The following IPO11 variants were observed in gnomAD, a reference collection of about 807,000 sequenced individuals.
IPO11 encodes importin-11.
In IPO11, 66 loss-of-function variants were observed where a neutral mutation model predicts 143.2. The ratio of observed to expected loss-of-function variants is 0.46; its 90% CI spans 0.38 to 0.57. IPO11 has a LOEUF of 0.57. IPO11 is among the 20% of genes least tolerant of loss of function. IPO11 has a pLI of 0.00. For missense variants in IPO11, 1,026 were observed against 1,141.0 expected (o/e 0.90, Z 1.45); for synonymous variants, 385 against 377.8 (o/e 1.02, Z -0.22).
rs1438755446 is a variant in IPO11, at chr5:62,412,830, GGCGTGGGGTCTGGCA to G, written c.-97_-83del. 1 of 152,734 alleles carries G rather than the reference GGCGTGGGGTCTGGCA, an allele frequency of 6.5e-6. No individual in the cohort carries two copies. The highest frequency in any genetic ancestry group is 2.4e-5 in the African/African-American group (1 of 41,468). The allele number at this position is 152,734 out of a possible 1,614,324, so 9.5% of individuals were successfully genotyped here. A position where few individuals can be genotyped will look rare whatever the true frequency, so the allele number is the denominator to read the frequency against. On this transcript the variant is annotated 5_prime_UTR_variant, in exon 1 of 30. Transcript: ENST00000325324. ...GCCGCTTTCGGCATCAGTAGGCGGC[GGCGTGGGGTCTGGCA>G]GCGTGGGGAGAGGGACCAACCGACG...
At chr5:62,474,946 C>T (rs1429519270) in intron 8 of IPO11, among the ~76,000 whole-genome samples, 3 of 152,136 alleles carry the variant, frequency 2.0e-5, no homozygotes, top group Non-Finnish European at 4.4e-5. Context: ...AGATTTATCT[C>T]CATACTCAGA....
At chr5:62,602,656 G>A (rs1264859811) in intron 29 of IPO11, among the ~76,000 whole-genome samples, 15 of 152,180 alleles carry the variant, frequency 9.9e-5, no homozygotes, top group East Asian at 1.9e-4. Flanking sequence ...ATTACAGCAC[G>A]TTAGCTCTCA....
chr5:62,425,362 G>C (rs1309587304), intron 1 of IPO11, among the ~76,000 whole-genome samples: 1 of 152,160 alleles, frequency 6.6e-6, no homozygotes. Flanking sequence ...TTGTTGCCCA[G>C]GCTGAAGTAC....
intron 5 of IPO11, among the ~76,000 whole-genome samples, chr5:62,460,417 C>G (rs1745314319): frequency 6.6e-6 from 1 of 152,136 alleles, no homozygotes; most frequent in Admixed American, 6.6e-5. Context: ...TGATTAGGTT[C>G]AGGCTAAGCA....
At chr5:62,526,514 G>T in intron 21 of IPO11, 1 of 271,558 alleles carries the variant, frequency 3.7e-6, no homozygotes, top group Non-Finnish European at 7.0e-6. Flanking sequence ...GTAATATGGG[G>T]TCATGGTAAC....
chr5:62,516,965 G>A (rs566738686), intron 20 of IPO11, among the ~76,000 whole-genome samples: 3 of 151,740 alleles, frequency 2.0e-5, no homozygotes, highest in Non-Finnish European at 2.9e-5. Context: ...TTGGGAGGCC[G>A]AGGCGGGTGG....
At chr5:62,557,211 T>G (rs548855341) in intron 26 of IPO11, among the ~76,000 whole-genome samples, 3 of 152,158 alleles carry the variant, frequency 2.0e-5, no homozygotes, top group Admixed American at 1.3e-4. Flanking sequence ...GAGACGGAGT[T>G]TCAATCTTGT....
At chr5:62,423,580 A>G (rs896066655) in intron 1 of IPO11, among the ~76,000 whole-genome samples, 8 of 152,164 alleles carry the variant, frequency 5.3e-5, no homozygotes, top group African/African-American at 1.9e-4. Context: ...GGCCATTTTA[A>G]AAAGCATACA....
At chr5:62,570,155 C>G (rs1744088174) in intron 27 of IPO11, among the ~76,000 whole-genome samples, 1 of 152,112 alleles carries the variant, frequency 6.6e-6, no homozygotes, top group Non-Finnish European at 1.5e-5. Flanking sequence ...GATGCTCACT[C>G]CTTTCATCTG....
rs1745485369 is a variant in IPO11 at position 62,600,934 on chromosome 5, G to A, written c.2679-830G>A. 2.0e-5 allele frequency among the ~76,000 whole-genome samples: 3 copies of A among 152,150 alleles called. No individual in the cohort carries two copies. In the South Asian group the frequency reaches 6.2e-4, roughly 32 times the overall value. On this transcript the variant is annotated intron_variant, in intron 28 of 29. Coordinates refer to ENST00000325324, the MANE Select transcript of IPO11 (RefSeq NM_016338.5). The stretch of plus-strand genomic sequence containing the variant: ...AGCCTGATCAAGTTTTCTGGTATCC[G>A]CACCTGTGTTAGTTCTGTATTAAAA...
intron 27 of IPO11, among the ~76,000 whole-genome samples, chr5:62,567,931 C>G (rs562254038): frequency 1.3e-5 from 2 of 150,876 alleles, no homozygotes; most frequent in Non-Finnish European, 3.0e-5. Flanking sequence ...TTTTTCTCCT[C>G]CTTTGATTGT....
intron 24 of IPO11, among the ~76,000 whole-genome samples, chr5:62,538,150 G>A (rs1742801759): frequency 1.3e-5 from 2 of 152,134 alleles, no homozygotes; most frequent in South Asian, 2.1e-4. Flanking sequence ...GAAAATCGTG[G>A]CATTGCTTTA....
chr5:62,431,331 T>A (rs1261139394), intron 1 of IPO11, among the ~76,000 whole-genome samples: 8 of 151,914 alleles, frequency 5.3e-5, no homozygotes, highest in African/African-American at 1.9e-4. Flanking sequence ...ACCAGGCACT[T>A]CTGTGCACAG....
chr5:62,426,244 G>A (rs1743736285), intron 1 of IPO11, among the ~76,000 whole-genome samples: 1 of 152,124 alleles, frequency 6.6e-6, no homozygotes, highest in Admixed American at 6.6e-5. Flanking sequence ...AAAATTAGCT[G>A]GGCATGGTGG....
intron 19 of IPO11, among the ~76,000 whole-genome samples, chr5:62,507,055 G>C (rs1741577597): frequency 6.6e-6 from 1 of 152,288 alleles, no homozygotes; most frequent in East Asian, 1.9e-4. Flanking sequence ...TAAAGCAGTT[G>C]ATGAGAATAG....
intron 1 of IPO11, among the ~76,000 whole-genome samples, chr5:62,424,179 G>T (rs1401310669): frequency 6.7e-6 from 1 of 149,882 alleles, no homozygotes; most frequent in African/African-American, 2.5e-5. Flanking sequence ...TTGCTCTGTC[G>T]CTCAGGCTGG....
intron 29 of IPO11, 30 bp from the exon 30 acceptor site, chr5:62,627,124 G>A (rs1421445379): frequency 2.6e-6 from 4 of 1,562,248 alleles, no homozygotes; most frequent in Non-Finnish European, 3.5e-6. Flanking sequence ...TTGCTTTTTT[G>A]ACAGTCTTGC....
intron 3 of IPO11, among the ~76,000 whole-genome samples, chr5:62,449,388 G>T (rs540323580): frequency 1.8e-4 from 27 of 152,212 alleles, no homozygotes; most frequent in African/African-American, 6.5e-4. Flanking sequence ...GTTGATTTCT[G>T]ATAAGTCACC....
chr5:62,470,423 T>C (rs1745724441), intron 7 of IPO11, 115 bp downstream of exon 7: 6 of 899,302 alleles, frequency 6.7e-6, no homozygotes, highest in Non-Finnish European at 1.1e-5. Flanking sequence ...TAAGTGACCA[T>C]CTAGTTTTTT....
Sources: allele counts gnomAD v4.1 joint callset (sites outside exome capture counted in the v4.1 genomes callset), GRCh38; gene constraint gnomAD v4.1.1; transcripts MANE v1.5; gene names NCBI Gene and HGNC (gene_info 2026-07-23, HGNC 2026-07-21).